Variants in HID1 observed in about 807,000 individuals in gnomAD.
HID1 encodes protein HID1.
A neutral mutation model predicts 89.7 loss-of-function variants in HID1; 42 were observed. The observed-to-expected ratio is 0.47, with a 90% CI of 0.37 to 0.61. The LOEUF (loss-of-function observed/expected upper bound fraction) is 0.61, where lower values mean the gene tolerates loss of function less well. Among genes scored for constraint, HID1 ranks in the 20% least tolerant of loss-of-function variants. The pLI is 0.00. For missense variants in HID1, 854 were observed against 1,039.3 expected, an observed-to-expected ratio of 0.82 and a Z score of 2.45; for synonymous variants, 442 against 433.8, an observed-to-expected ratio of 1.02 and a Z score of -0.24.
At chr17:74,965,687 G>A (rs2039551669) in intron 1 of HID1, among the ~76,000 whole-genome samples, 1 of 152,186 alleles carries the variant, frequency 6.6e-6, no homozygotes, top group Non-Finnish European at 1.5e-5. Flanking sequence ...GGGAGGCTGA[G>A]GTGGGTGGAT....
In HID1 at chr17:74,959,060, G is replaced by A. The variant is rs566854366; in HGVS notation, c.1009-9C>T. On this transcript the variant is annotated splice_polypyrimidine_tract_variant and intron_variant, in intron 8 of 18. Coordinates refer to ENST00000425042, the MANE Select transcript of HID1 (RefSeq NM_030630.3). This position sits in a 1 kb window ranked among gnomAD's most constrained non-coding sequence, Gnocchi z 4.6. ...AGGATGAACTGGAAGTCCTGGGGGC[G>A]AGGGCAGAGCAGGGGGCCTGTCCAG... 302 of 1,551,142 alleles carry A rather than the reference G, an allele frequency of 1.9e-4. 2 individuals are homozygous for A. The South Asian group carries it at 3.0e-3, about 16-fold the overall frequency.
chr17:74,953,482 GC>G, intron 15 of HID1, 62 bp downstream of exon 15: 1 of 1,388,084 alleles, frequency 7.2e-7, no homozygotes, highest in Non-Finnish European at 1.0e-6. Flanking sequence ...AGCCCCTACT[GC>G]AGAGACCAGG....
intron 15 of HID1, among the ~76,000 whole-genome samples, 183 bp from the exon 16 acceptor site, chr17:74,953,269 A>T (rs1176859683): frequency 6.6e-6 from 1 of 152,150 alleles, no homozygotes; most frequent in Non-Finnish European, 1.5e-5. Context: ...CCAGCAGCTG[A>T]CAGGGCAGGC....
intron 1 of HID1, among the ~76,000 whole-genome samples, chr17:74,966,297 A>T (rs1005735761): frequency 6.6e-6 from 1 of 151,570 alleles, no homozygotes; most frequent in African/African-American, 2.4e-5. Context: ...AAAAAAAAAA[A>T]AAAAAAAAAG....
intron 12 of HID1, among the ~76,000 whole-genome samples, chr17:74,956,517 C>A (rs1443201783): frequency 2.6e-5 from 4 of 152,326 alleles, no homozygotes; most frequent in African/African-American, 9.6e-5. Context: ...CTCCACAGGG[C>A]AGGGACCAGG....
chr17:74,963,814 G>A lies in HID1; in HGVS notation c.313C>T (p.Leu105=). Residue 105 remains leucine, a synonymous_variant, in exon 3 of 19, where the codon CTG becomes TTG. Coordinates refer to ENST00000425042, the MANE Select transcript of HID1 (RefSeq NM_030630.3). The part of the protein sequence containing the change: ...LNCSRLLTRV[L]PYIFEDPDWR... Reference sequence around the variant, plus strand: ...TCGGGGTCCTCAAAGATGTAGGGCAGCACGCGGGTGAGCAGCCGGCTGCAG... The same window carrying A: ...TCGGGGTCCTCAAAGATGTAGGGCAACACGCGGGTGAGCAGCCGGCTGCAG... The A allele has an allele frequency of 6.2e-7, 1 of 1,614,124 alleles. No homozygotes were observed. Among genetic ancestry groups the A allele is most frequent in the Non-Finnish European group, 8.5e-7 (1 of 1,180,026 alleles).
chr17:74,953,027 C>T lies in HID1; in HGVS notation c.2031G>A (p.Gln677=). Residue 677 remains glutamine, a synonymous_variant, in exon 16 of 19, where the codon CAG becomes CAA. Coordinates refer to ENST00000425042, the MANE Select transcript of HID1 (RefSeq NM_030630.3). ...RRPSTSSASG[Q]WSPTPEWVLS... Reference sequence around the variant, plus strand: ...TCACCCACTCTGGCGTTGGGCTCCACTGCCCACTGGCTGATGAGGTGGACG... The same window carrying T: ...TCACCCACTCTGGCGTTGGGCTCCATTGCCCACTGGCTGATGAGGTGGACG... 6.2e-7 allele frequency: 1 copy of T among 1,608,794 alleles called. No individual in the cohort carries two copies. The highest frequency in any genetic ancestry group is 8.5e-7 in the Non-Finnish European group (1 of 1,178,420).
At position 74,959,140 on chromosome 17, in the gene HID1, C is replaced by T; in HGVS notation, c.1009-89G>A. The T allele has an allele frequency of 1.4e-6, 2 of 1,399,602 alleles. No individual in the cohort carries two copies. The highest frequency in any genetic ancestry group is 1.9e-6 in the Non-Finnish European group (2 of 1,061,474). 86.7% of individuals were successfully genotyped at this position (1,399,602 alleles called of 1,614,324 possible). On this transcript the variant is annotated intron_variant, in intron 8 of 18. Coordinates refer to ENST00000425042, the MANE Select transcript of HID1 (RefSeq NM_030630.3). This position sits in a 1 kb window ranked among gnomAD's most constrained non-coding sequence, Gnocchi z 4.6. ...CCAGGCCCCCAACAAATCCCCCCCT[C>T]CATCCCCCAGAGCCAGATCCCACCT...
chr17:74,962,523 C>T lies in HID1; in HGVS notation c.505-183G>A, dbSNP rs189058544. ...AGAGCAGGAGTGAATATTCTTAGGCCTCTTGAAAGCTCATTTTTCTTCCAT... is the reference window on the plus strand; with the variant it reads ...AGAGCAGGAGTGAATATTCTTAGGCTTCTTGAAAGCTCATTTTTCTTCCAT... On this transcript the variant is annotated intron_variant, in intron 4 of 18. Coordinates refer to ENST00000425042, the MANE Select transcript of HID1 (RefSeq NM_030630.3). The surrounding 1 kb of genome is among the most constrained non-coding windows in gnomAD (Gnocchi z 4.3). Among the ~76,000 whole-genome samples the T allele has an allele frequency of 5.1e-4, 77 of 152,280 alleles. No individual in the cohort carries two copies. Among genetic ancestry groups the T allele is most frequent in the Admixed American group, 1.2e-3 (19 of 15,300 alleles).
rs1468634754 is a variant in HID1, at chr17:74,959,058, G to A, written c.1009-7C>T. 6 of 1,553,306 alleles carry A rather than the reference G, an allele frequency of 3.9e-6. No homozygotes were observed. The highest frequency in any genetic ancestry group is 5.2e-6 in the Non-Finnish European group (6 of 1,156,246). ...TGAGGATGAACTGGAAGTCCTGGGG[G>A]CGAGGGCAGAGCAGGGGGCCTGTCC... On this transcript the variant is annotated splice_polypyrimidine_tract_variant and splice_region_variant and intron_variant, in intron 8 of 18. Transcript: ENST00000425042. This position sits in a 1 kb window ranked among gnomAD's most constrained non-coding sequence, Gnocchi z 4.6.
chr17:74,952,197 G>T, intron 17 of HID1, 72 bp downstream of exon 17: 2 of 1,528,428 alleles, frequency 1.3e-6, no homozygotes, highest in Non-Finnish European at 1.8e-6. Context: ...GAGCCCACCT[G>T]CCCACACCAC....
In HID1 at chr17:74,959,814, C is replaced by A. The variant is rs776860796; in HGVS notation, c.1008+67G>T. On this transcript the variant is annotated intron_variant, in intron 8 of 18. Transcript: ENST00000425042. This position sits in a 1 kb window ranked among gnomAD's most constrained non-coding sequence, Gnocchi z 4.6. ...GGTTCCTTCATGGAGGGGTCAGGATCCCCCATATCCCTGTCTCACTTGCAT... is the reference window on the plus strand; with the variant it reads ...GGTTCCTTCATGGAGGGGTCAGGATACCCCATATCCCTGTCTCACTTGCAT... The A allele has an allele frequency of 1.3e-6, 2 of 1,519,386 alleles. No homozygotes were observed. The highest frequency in any genetic ancestry group is 1.7e-5 in the Admixed American group (1 of 59,360). The allele number at this position is 1,519,386 out of a possible 1,614,324, so 94.1% of individuals were successfully genotyped here. A position where few individuals can be genotyped will look rare whatever the true frequency, so the allele number is the denominator to read the frequency against.
At chr17:74,953,793 A>C (rs2039343893) in intron 14 of HID1, 142 bp from the exon 15 acceptor site, 4 of 692,144 alleles carry the variant, frequency 5.8e-6, no homozygotes, top group Non-Finnish European at 1.0e-5. Flanking sequence ...GTGTCTGATC[A>C]CTGTAACGCC....
intron 6 of HID1, among the ~76,000 whole-genome samples, chr17:74,960,866 T>C (rs1333971934): frequency 6.6e-6 from 1 of 152,252 alleles, no homozygotes; most frequent in East Asian, 1.9e-4. Context: ...ACAGACCCTA[T>C]GCAGCCAACA....
intron 1 of HID1, among the ~76,000 whole-genome samples, chr17:74,966,062 G>A (rs935427973): frequency 1.3e-5 from 2 of 151,944 alleles, no homozygotes; most frequent in Admixed American, 1.3e-4. Context: ...TGAGGCGGGT[G>A]GATCACAAGG....
At position 74,960,139 on chromosome 17, in the gene HID1, G is replaced by C; in HGVS notation, c.838C>G (p.Leu280Val). The C allele has an allele frequency of 6.2e-7, 1 of 1,614,078 alleles. No homozygotes were observed. Among genetic ancestry groups the C allele is most frequent in the South Asian group, 1.1e-5 (1 of 91,092 alleles). Residue 280 changes from leucine to valine, a missense_variant, in exon 7 of 19, where the codon CTG (leucine) becomes GTG (valine). Transcript: ENST00000425042. ...HLLFSDYREP[L>V]VEEAAQVLIV... ...AGCACCTGGGCAGCCTCCTCCACCA[G>C]GGGTTCCCGGTAGTCAGAGAAGAGC...
At position 74,955,750 on chromosome 17, in the gene HID1, G is replaced by A. The variant is rs9903414; in HGVS notation, c.1636+42C>T. The A allele has an allele frequency of 0.88, 1,414,042 of 1,598,766 alleles. 637,961 individuals are homozygous for A. The highest frequency in any genetic ancestry group is 0.94 in the Non-Finnish European group (1,096,578 of 1,171,084). On this transcript the variant is annotated intron_variant, in intron 13 of 18. Coordinates refer to ENST00000425042, the MANE Select transcript of HID1 (RefSeq NM_030630.3). Reference sequence around the variant, plus strand: ...CCCCCCTTATGTAGGAAGTAGGCCCGCTGGCCACCCTGACCACCAGGGCCT... The same window carrying A: ...CCCCCCTTATGTAGGAAGTAGGCCCACTGGCCACCCTGACCACCAGGGCCT...
At chr17:74,971,222 T>C (rs2039642070) in intron 1 of HID1, among the ~76,000 whole-genome samples, 1 of 152,096 alleles carries the variant, frequency 6.6e-6, no homozygotes, top group Non-Finnish European at 1.5e-5. Flanking sequence ...CAGGTAAACA[T>C]GGGAGCCTCC....
intron 1 of HID1, among the ~76,000 whole-genome samples, chr17:74,969,396 C>T (rs1341161703): frequency 6.6e-6 from 1 of 152,048 alleles, no homozygotes; most frequent in African/African-American, 2.4e-5. Flanking sequence ...CCATGTTAGC[C>T]GGGACGGTCT....
Sources: allele counts gnomAD v4.1 joint callset (sites outside exome capture counted in the v4.1 genomes callset), GRCh38; gene constraint gnomAD v4.1.1; non-coding constraint Gnocchi (gnomAD v3.1); transcripts MANE v1.5; gene names NCBI Gene and HGNC (gene_info 2026-07-23, HGNC 2026-07-21).